The following NRAS variants were observed in gnomAD, a reference collection of about 807,000 sequenced individuals.
NRAS encodes GTPase NRas.
In NRAS, 6 loss-of-function variants were observed where a neutral mutation model predicts 21.3. The observed-to-expected ratio is 0.28, with a 90% CI of 0.15 to 0.56. NRAS has a LOEUF of 0.56. Ranked by LOEUF, NRAS falls within the 20% of genes least tolerant of loss-of-function variation. The probability of loss-of-function intolerance (pLI) is 0.93; values close to 1 mark genes in which losing one functional copy is unlikely to be tolerated. For synonymous variants in NRAS, 84 were observed against 82.0 expected, an observed-to-expected ratio of 1.02 and a Z score of -0.13; for missense variants, 143 against 231.3, an observed-to-expected ratio of 0.62 and a Z score of 2.48.
Position 114,705,653 on chromosome 1 carries a change from CTT to C in NRAS, c.*2439_*2440del, listed in dbSNP as rs1393043838. On this transcript the variant is annotated 3_prime_UTR_variant, in exon 7 of 7. Transcript: ENST00000369535. ...ACTTTTTTTTTGGAGACAAGTCTCT[CTT>C]GTCACCCAGGCTGGAGTGCAGTGGC... is the stretch of plus-strand genomic sequence containing the variant. The C allele has an allele frequency of 4.6e-5, 7 of 152,224 alleles. No homozygotes were observed. The highest frequency in any genetic ancestry group is 8.8e-5 in the Non-Finnish European group (6 of 68,056). 9.4% of individuals were successfully genotyped at this position (152,224 alleles called of 1,614,324 possible). A position where few individuals can be genotyped will look rare whatever the true frequency, so the allele number is the denominator to read the frequency against.
chr1:114,705,366 T>C lies in NRAS; in HGVS notation c.*2728A>G, dbSNP rs897352921. Reference sequence around the variant, plus strand: ...AGCATTTAACAGGTTCATTTACAGATCCGGCATGGTAGCCTTCAGACAGAA... The same window carrying C: ...AGCATTTAACAGGTTCATTTACAGACCCGGCATGGTAGCCTTCAGACAGAA... On this transcript the variant is annotated 3_prime_UTR_variant, in exon 7 of 7. Coordinates refer to ENST00000369535, the MANE Select transcript of NRAS (RefSeq NM_002524.5). The C allele has an allele frequency of 1.3e-5, 2 of 152,206 alleles. No homozygotes were observed. Among genetic ancestry groups the C allele is most frequent in the African/African-American group, 4.8e-5 (2 of 41,450 alleles). The allele number at this position is 152,206 out of a possible 1,614,324, so 9.4% of individuals were successfully genotyped here.
chr1:114,715,646 C>G (rs779161766), intron 2 of NRAS, among the ~76,000 whole-genome samples: 8 of 152,138 alleles, frequency 5.3e-5, no homozygotes, highest in Non-Finnish European at 1.0e-4. Context: ...ATCATCTGGT[C>G]TCAGCTGCTT....
rs762225652 is a variant in NRAS, at chr1:114,714,013, G to C, written c.112-35C>G. The C allele has an allele frequency of 4.2e-5, 45 of 1,071,798 alleles. 4 individuals are homozygous for C. Among genetic ancestry groups the C allele is most frequent in the Non-Finnish European group, 5.8e-5 (42 of 719,366 alleles). The allele number at this position is 1,071,798 out of a possible 1,614,324, so 66.4% of individuals were successfully genotyped here. On this transcript the variant is annotated intron_variant, in intron 2 of 6. Coordinates refer to ENST00000369535, the MANE Select transcript of NRAS (RefSeq NM_002524.5). ...TGGAGGGTAAGGGGGCAGGGAGGGAGGGAAGTTCAATTTTTATTAAAAACC... is the reference window on the plus strand; with the variant it reads ...TGGAGGGTAAGGGGGCAGGGAGGGACGGAAGTTCAATTTTTATTAAAAACC...
In NRAS at chr1:114,716,647, G is replaced by A. The variant is rs1659180155; in HGVS notation, c.-18+11C>T. On this transcript the variant is annotated intron_variant, in intron 1 of 6. Transcript: ENST00000369535. ...GCCCAAAGCCGAACACTATGCATGAGATAAACTTACCTCAAGCTCCACTGC... is the reference window on the plus strand; with the variant it reads ...GCCCAAAGCCGAACACTATGCATGAAATAAACTTACCTCAAGCTCCACTGC... The A allele has an allele frequency of 8.7e-6, 2 of 231,134 alleles. No homozygotes were observed. The highest frequency in any genetic ancestry group is 1.8e-5 in the Non-Finnish European group (2 of 114,098). 14.3% of individuals were successfully genotyped at this position (231,134 alleles called of 1,614,324 possible).
intron 1 of NRAS, among the ~76,000 whole-genome samples, 190 bp downstream of exon 1, chr1:114,716,468 C>G (rs773512142): frequency 1.3e-5 from 2 of 152,120 alleles, no homozygotes; most frequent in African/African-American, 4.8e-5. Context: ...TAGCAGGAAG[C>G]CTCCAGGCCG....
intron 3 of NRAS, among the ~76,000 whole-genome samples, chr1:114,711,795 G>C (rs756978814): frequency 6.6e-6 from 1 of 152,034 alleles, no homozygotes; most frequent in Non-Finnish European, 1.5e-5. Flanking sequence ...GGAAACAATT[G>C]CTTTAGATTG....
At chr1:114,709,393 C>T (rs9724635) in intron 4 of NRAS, among the ~76,000 whole-genome samples, 176 bp downstream of exon 4, 2 of 151,560 alleles carry the variant, frequency 1.3e-5, no homozygotes, top group East Asian at 1.9e-4. Flanking sequence ...TGAGATCACA[C>T]CACTGCACTC....
At chr1:114,708,465 A>C (rs1232637099) in intron 5 of NRAS, 66 bp downstream of exon 5, 6 of 1,420,482 alleles carry the variant, frequency 4.2e-6, no homozygotes, top group African/African-American at 2.8e-5. Context: ...TAACACCAGC[A>C]CTCCTCCAAA....
rs1315440258 is a variant in NRAS, at chr1:114,706,496, T to C, written c.*1598A>G. 6.6e-6 allele frequency: 1 copy of C among 152,240 alleles called. No individual in the cohort carries two copies. Among genetic ancestry groups the C allele is most frequent in the Non-Finnish European group, 1.5e-5 (1 of 68,048 alleles). 9.4% of individuals were successfully genotyped at this position (152,240 alleles called of 1,614,324 possible). ...ACTCATCAGCTTAGATTTATCAACA[T>C]CTTGTTTTAAACCCTTCAAAGAACA... On this transcript the variant is annotated 3_prime_UTR_variant, in exon 7 of 7. Transcript: ENST00000369535.
At chr1:114,709,411 G>A (rs1238928926) in intron 4 of NRAS, among the ~76,000 whole-genome samples, 158 bp downstream of exon 4, 1 of 151,642 alleles carries the variant, frequency 6.6e-6, no homozygotes, top group African/African-American at 2.4e-5. Flanking sequence ...CTCCAGCTTA[G>A]AAGATAGAGT....
chr1:114,712,759 T>A (rs1360068524), intron 3 of NRAS, among the ~76,000 whole-genome samples: 2 of 152,208 alleles, frequency 1.3e-5, no homozygotes, highest in Non-Finnish European at 2.9e-5. Flanking sequence ...ATTTGCGTAT[T>A]TATTAAAACT....
rs1171447327 is a variant in NRAS at position 114,707,358 on chromosome 1, TC to T, written c.*735del. On this transcript the variant is annotated 3_prime_UTR_variant, in exon 7 of 7. Coordinates refer to ENST00000369535, the MANE Select transcript of NRAS (RefSeq NM_002524.5). ...CAATGGTAGATAAGTCACAGACGTA[TC>T]TCAGACATTCATTTCATGCATAAGG... 1 of 152,608 alleles carries T rather than the reference TC, an allele frequency of 6.6e-6. No individual in the cohort carries two copies. The highest frequency in any genetic ancestry group is 1.5e-5 in the Non-Finnish European group (1 of 68,030). 9.5% of individuals were successfully genotyped at this position (152,608 alleles called of 1,614,324 possible).
chr1:114,705,072 A>G lies in NRAS; in HGVS notation c.*3022T>C, dbSNP rs1658879901. 6.6e-6 allele frequency: 1 copy of G among 152,226 alleles called. No homozygotes were observed. Among genetic ancestry groups the G allele is most frequent in the African/African-American group, 2.4e-5 (1 of 41,470 alleles). 9.4% of individuals were successfully genotyped at this position (152,226 alleles called of 1,614,324 possible). A position where few individuals can be genotyped will look rare whatever the true frequency, so the allele number is the denominator to read the frequency against. ...TCTTGGTTGTAGCTGCCAACTTAGG[A>G]GTTCATGACTATAAATATAAAGCAA... On this transcript the variant is annotated 3_prime_UTR_variant, in exon 7 of 7. Coordinates refer to ENST00000369535, the MANE Select transcript of NRAS (RefSeq NM_002524.5).
At chr1:114,709,454 A>T in intron 4 of NRAS, 115 bp downstream of exon 4, 1 of 922,996 alleles carries the variant, frequency 1.1e-6, no homozygotes. Context: ...AAAAAATAAA[A>T]AAATAAAAAT....
rs1170729797 is a variant in NRAS at position 114,705,870 on chromosome 1, T to G, written c.*2224A>C. The G allele has an allele frequency of 6.6e-6, 1 of 152,230 alleles. No homozygotes were observed. The highest frequency in any genetic ancestry group is 1.5e-5 in the Non-Finnish European group (1 of 68,026). 9.4% of individuals were successfully genotyped at this position (152,230 alleles called of 1,614,324 possible). On this transcript the variant is annotated 3_prime_UTR_variant, in exon 7 of 7. Transcript: ENST00000369535. The stretch of plus-strand genomic sequence containing the variant: ...GAAACTTCTGTGCTTAGAACATACT[T>G]GGAAAACTCTAAGTACATACATACA...
intron 3 of NRAS, among the ~76,000 whole-genome samples, chr1:114,712,019 C>G (rs1659060687): frequency 6.6e-6 from 1 of 152,234 alleles, no homozygotes; most frequent in Non-Finnish European, 1.5e-5. Flanking sequence ...AGTCATGTAT[C>G]TGAACTACAT....
In NRAS at chr1:114,716,768, C is replaced by A; in HGVS notation, c.-128G>T. ...CCCCACCAAGGAGCGGCACTTCCGG[C>A]CCCGCCCGCTACGTAATCAGTCGGC... On this transcript the variant is annotated 5_prime_UTR_variant, in exon 1 of 7. Transcript: ENST00000369535. The A allele has an allele frequency of 6.4e-6, 1 of 155,292 alleles. No individual in the cohort carries two copies. The allele number at this position is 155,292 out of a possible 1,614,324, so 9.6% of individuals were successfully genotyped here.
intron 3 of NRAS, among the ~76,000 whole-genome samples, chr1:114,712,150 C>T (rs1659062856): frequency 6.6e-6 from 1 of 152,118 alleles, no homozygotes; most frequent in South Asian, 2.1e-4. Flanking sequence ...TTAAACAAGC[C>T]TCTTTGAGGA....
intron 3 of NRAS, among the ~76,000 whole-genome samples, chr1:114,710,074 C>G (rs1239403283): frequency 2.6e-5 from 4 of 151,322 alleles, no homozygotes; most frequent in Admixed American, 6.6e-5. Flanking sequence ...GCCTATAGTC[C>G]CAGCTACTCG....
Sources: allele counts gnomAD v4.1 joint callset (sites outside exome capture counted in the v4.1 genomes callset), GRCh38; gene constraint gnomAD v4.1.1; transcripts MANE v1.5; gene names NCBI Gene and HGNC (gene_info 2026-07-23, HGNC 2026-07-21).